The following FKTN variants were observed in gnomAD, a reference collection of about 807,000 sequenced individuals.
FKTN encodes the protein ribitol-5-phosphate transferase FKTN.
In FKTN, 47 loss-of-function variants were observed where a neutral mutation model predicts 58.6. The observed-to-expected ratio is 0.80, with a 90% CI of 0.63 to 1.02. FKTN has a LOEUF of 1.02. FKTN is among the 50% of genes least tolerant of loss of function. The pLI, the probability that FKTN is intolerant of heterozygous loss-of-function variation, is 0.00. For missense variants in FKTN, 516 were observed against 537.3 expected, an observed-to-expected ratio of 0.96 and a Z score of 0.39; for synonymous variants, 178 against 191.9, an observed-to-expected ratio of 0.93 and a Z score of 0.60.
intron 10 of FKTN, among the ~76,000 whole-genome samples, chr9:105,622,873 A>G (rs898574532): frequency 3.9e-5 from 6 of 152,090 alleles, no homozygotes; most frequent in African/African-American, 1.4e-4. Context: ...CTTTCAGCAC[A>G]GTGGTAAATT....
At chr9:105,565,461 A>G (rs869274462) in intron 1 of FKTN, among the ~76,000 whole-genome samples, 1 of 152,190 alleles carries the variant, frequency 6.6e-6, no homozygotes, top group African/African-American at 2.4e-5. Context: ...AAGATCTACC[A>G]AGCAAATGGA....
At chr9:105,566,228 C>T (rs1275230027) in intron 1 of FKTN, among the ~76,000 whole-genome samples, 2 of 152,064 alleles carry the variant, frequency 1.3e-5, no homozygotes, top group Non-Finnish European at 2.9e-5. Flanking sequence ...CCTAACATCA[C>T]AATTAAAAGA....
intron 3 of FKTN, among the ~76,000 whole-genome samples, chr9:105,582,799 A>G (rs1187068082): frequency 6.6e-6 from 1 of 152,220 alleles, no homozygotes; most frequent in Non-Finnish European, 1.5e-5. Context: ...ATCCTTCATA[A>G]GGATAAGCAG....
At chr9:105,622,172 A>T (rs1678356210) in intron 10 of FKTN, among the ~76,000 whole-genome samples, 1 of 152,072 alleles carries the variant, frequency 6.6e-6, no homozygotes, top group African/African-American at 2.4e-5. Context: ...CCATACACCA[A>T]ATATAATTGG....
rs1329573992 is a variant in FKTN, at chr9:105,637,029, C to T, written c.*1765C>T. 1.0e-6 allele frequency: 1 copy of T among 993,778 alleles called. No individual in the cohort carries two copies. Among genetic ancestry groups the T allele is most frequent in the Non-Finnish European group, 1.2e-6 (1 of 834,270 alleles). 61.6% of individuals were successfully genotyped at this position (993,778 alleles called of 1,614,324 possible). A position where few individuals can be genotyped will look rare whatever the true frequency, so the allele number is the denominator to read the frequency against. ...TCCCAAAATGGCACATCATCATAAT[C>T]CATTTTCTCTTTGCTAGAAAATCAG... On this transcript the variant is annotated 3_prime_UTR_variant, in exon 11 of 11. Coordinates refer to ENST00000357998, the MANE Select transcript of FKTN (RefSeq NM_001079802.2).
At chr9:105,621,045 T>G (rs1372551510) in intron 10 of FKTN, among the ~76,000 whole-genome samples, 1 of 152,134 alleles carries the variant, frequency 6.6e-6, no homozygotes, top group Non-Finnish European at 1.5e-5. Context: ...ATCCGAAACC[T>G]GCAAACCTCA....
intron 10 of FKTN, 189 bp downstream of exon 10, chr9:105,620,250 T>A: frequency 1.9e-6 from 1 of 517,046 alleles, no homozygotes; most frequent in Non-Finnish European, 3.5e-6. Flanking sequence ...GGACGGTTTG[T>A]GAGGAGGAAG....
At chr9:105,621,007 G>C (rs1275882513) in intron 10 of FKTN, among the ~76,000 whole-genome samples, 1 of 151,974 alleles carries the variant, frequency 6.6e-6, no homozygotes, top group Non-Finnish European at 1.5e-5. Flanking sequence ...TACTTTCTAA[G>C]GCTTGAATTT....
intron 3 of FKTN, among the ~76,000 whole-genome samples, chr9:105,592,534 G>A (rs943113514): frequency 6.6e-6 from 1 of 152,144 alleles, no homozygotes; most frequent in Non-Finnish European, 1.5e-5. Flanking sequence ...CTACTCAGAA[G>A]GCTGAGGCAG....
chr9:105,616,879 C>CAAAA (rs377163590), intron 8 of FKTN, among the ~76,000 whole-genome samples: 2 of 119,874 alleles, frequency 1.7e-5, no homozygotes, highest in Non-Finnish European at 3.5e-5. Flanking sequence ...TAGAATAAGC[C>CAAAA]AAAAAAAAAA....
chr9:105,622,006 C>T (rs1303963291), intron 10 of FKTN, among the ~76,000 whole-genome samples: 1 of 152,010 alleles, frequency 6.6e-6, no homozygotes, highest in Non-Finnish European at 1.5e-5. Flanking sequence ...AAATTGCCCT[C>T]CAAAGATGTT....
At position 105,593,824 on chromosome 9, in the gene FKTN, G is replaced by A. The variant is rs144107497; in HGVS notation, c.106-2774G>A. ...ATAAGATAAGTATTGATAATTGACC[G>A]TTGGATTTAGCAATGTTCAGGTCAT... On this transcript the variant is annotated intron_variant, in intron 3 of 10. Coordinates refer to ENST00000357998, the MANE Select transcript of FKTN (RefSeq NM_001079802.2). Among the ~76,000 whole-genome samples, 30 of 152,302 alleles carry A rather than the reference G, an allele frequency of 2.0e-4. No individual in the cohort carries two copies. The Middle Eastern group carries it at 0.01, about 52-fold the overall frequency.
intron 1 of FKTN, among the ~76,000 whole-genome samples, chr9:105,563,873 C>T (rs937980086): frequency 3.9e-5 from 6 of 152,224 alleles, no homozygotes; most frequent in African/African-American, 1.4e-4. Flanking sequence ...GTCCCTGACC[C>T]TCAAGTAGCC....
Position 105,637,929 on chromosome 9 carries a change from A to T in FKTN, c.*2665A>T. Reference sequence around the variant, plus strand: ...GAGTAGCTGCTTGGTGGGACAGCTGATTTCTTTGATTCCCTAGCTGCAAAA... The same window carrying T: ...GAGTAGCTGCTTGGTGGGACAGCTGTTTTCTTTGATTCCCTAGCTGCAAAA... On this transcript the variant is annotated 3_prime_UTR_variant, in exon 11 of 11. Coordinates refer to ENST00000357998, the MANE Select transcript of FKTN (RefSeq NM_001079802.2). The T allele has an allele frequency of 2.0e-6, 2 of 985,358 alleles. No homozygotes were observed. Among genetic ancestry groups the T allele is most frequent in the Non-Finnish European group, 2.4e-6 (2 of 829,916 alleles). 61.0% of individuals were successfully genotyped at this position (985,358 alleles called of 1,614,324 possible).
intron 3 of FKTN, among the ~76,000 whole-genome samples, chr9:105,592,541 G>T (rs557879948): frequency 5.5e-4 from 84 of 152,280 alleles, no homozygotes; most frequent in Non-Finnish European, 1.1e-3. Context: ...GAAGGCTGAG[G>T]CAGGAAAATT....
chr9:105,567,501 A>T (rs1839881071), intron 1 of FKTN, among the ~76,000 whole-genome samples: 1 of 152,142 alleles, frequency 6.6e-6, no homozygotes, highest in Non-Finnish European at 1.5e-5. Flanking sequence ...TTATACACCA[A>T]ATAACAGAGA....
intron 9 of FKTN, among the ~76,000 whole-genome samples, chr9:105,618,994 G>A (rs1279427831): frequency 6.6e-6 from 1 of 151,530 alleles, no homozygotes; most frequent in Admixed American, 6.6e-5. Flanking sequence ...GGGAGGCGGA[G>A]CTTGCAGTGA....
At chr9:105,595,402 A>G (rs897877859) in intron 3 of FKTN, among the ~76,000 whole-genome samples, 7 of 152,326 alleles carry the variant, frequency 4.6e-5, no homozygotes, top group African/African-American at 1.7e-4. Context: ...TGAACAGCTC[A>G]GAAATATAGC....
At chr9:105,596,743 A>G in intron 4 of FKTN, 86 bp downstream of exon 4, 1 of 1,009,678 alleles carries the variant, frequency 9.9e-7, no homozygotes, top group Non-Finnish European at 1.6e-6. Flanking sequence ...GAATGATGGC[A>G]ATAATAATAG....
Sources: allele counts gnomAD v4.1 joint callset (sites outside exome capture counted in the v4.1 genomes callset), GRCh38; gene constraint gnomAD v4.1.1; transcripts MANE v1.5; gene names NCBI Gene and HGNC (gene_info 2026-07-23, HGNC 2026-07-21).